DIAPH2: variants seen among roughly 807,000 people sequenced by gnomAD.
The protein encoded by DIAPH2 is protein diaphanous homolog 2.
A neutral mutation model predicts 92.7 loss-of-function variants in DIAPH2; 35 were observed. The ratio of observed to expected loss-of-function variants is 0.38; its 90% CI spans 0.29 to 0.50. The LOEUF (loss-of-function observed/expected upper bound fraction) is 0.50. DIAPH2 is among the 20% of genes least tolerant of loss of function. The pLI, the probability that DIAPH2 is intolerant of heterozygous loss-of-function variation, is 0.94. For missense variants in DIAPH2, 701 were observed against 819.5 expected, an observed-to-expected ratio of 0.86 and a Z score of 1.77; for synonymous variants, 301 against 280.4, an observed-to-expected ratio of 1.07 and a Z score of -0.73.
At chrX:97,215,927 GCAGT>G (rs1488380798) in intron 22 of DIAPH2, among the ~76,000 whole-genome samples, 4 of 111,827 alleles carry the variant, frequency 3.6e-5, no homozygotes. Context: ...AATATGTTCA[GCAGT>G]CAAATATTGA....
intron 24 of DIAPH2, among the ~76,000 whole-genome samples, chrX:97,371,944 C>T (rs777477725): frequency 1.8e-5 from 2 of 112,463 alleles, no homozygotes; most frequent in African/African-American, 3.2e-5. Context: ...TAAAGCACTT[C>T]GTAGATTTTA....
chrX:97,156,782 CT>C (rs1273076371), intron 22 of DIAPH2, among the ~76,000 whole-genome samples: 7 of 110,478 alleles, frequency 6.3e-5, no homozygotes, highest in African/African-American at 1.3e-4. Flanking sequence ...TTACCTATAT[CT>C]TTTTTTTTAA....
At chrX:96,952,892 G>A (rs1414118394) in intron 15 of DIAPH2, among the ~76,000 whole-genome samples, 1 of 110,141 alleles carries the variant, frequency 9.1e-6, no homozygotes, top group African/African-American at 3.3e-5. Context: ...GGAGACCAAG[G>A]TGGGAGGATT....
At chrX:97,419,616 A>C (rs1320334395) in intron 25 of DIAPH2, among the ~76,000 whole-genome samples, 1 of 111,891 alleles carries the variant, frequency 8.9e-6, no homozygotes, top group Non-Finnish European at 1.9e-5. Flanking sequence ...CTGTCACTTC[A>C]CAACTATGTG....
At chrX:96,941,894 T>A (rs746863468) in intron 12 of DIAPH2, 124 bp from the exon 13 acceptor site, 1 of 462,034 alleles carries the variant, frequency 2.2e-6, no homozygotes, top group Non-Finnish European at 3.8e-6. Context: ...GTGTAGTGGC[T>A]GCAGGATTTT....
At chrX:96,800,547 A>T (rs1602517940) in intron 4 of DIAPH2, among the ~76,000 whole-genome samples, 1 of 111,980 alleles carries the variant, frequency 8.9e-6, no homozygotes, top group East Asian at 2.8e-4. Flanking sequence ...TTCTGACACA[A>T]GGGAGAGGAT....
At chrX:96,741,345 C>T (rs2064118207) in intron 3 of DIAPH2, among the ~76,000 whole-genome samples, 1 of 109,190 alleles carries the variant, frequency 9.2e-6, no homozygotes, top group Non-Finnish European at 1.9e-5. Flanking sequence ...TTTTAATCCT[C>T]TCACTTTCTC....
At chrX:97,072,875 C>T in intron 17 of DIAPH2, 66 bp from the exon 18 acceptor site, 1 of 671,659 alleles carries the variant, frequency 1.5e-6, no homozygotes, top group Non-Finnish European at 2.2e-6. Context: ...ATATGCCTTA[C>T]TAATGTTATT....
chrX:97,183,813 T>C (rs972763254), intron 22 of DIAPH2, among the ~76,000 whole-genome samples: 4 of 112,063 alleles, frequency 3.6e-5, no homozygotes, highest in African/African-American at 1.3e-4. Flanking sequence ...GATAAATATG[T>C]GCAGCATGAA....
intron 4 of DIAPH2, among the ~76,000 whole-genome samples, chrX:96,786,783 A>C (rs2064459681): frequency 8.9e-6 from 1 of 112,028 alleles, no homozygotes; most frequent in Admixed American, 9.4e-5. Flanking sequence ...GAAGAATTCA[A>C]AAGGTAAGGG....
chrX:97,331,770 T>A (rs897682223), intron 23 of DIAPH2, among the ~76,000 whole-genome samples: 3 of 111,762 alleles, frequency 2.7e-5, no homozygotes, highest in African/African-American at 9.7e-5. Context: ...TAGGTTTACA[T>A]GACCATATGA....
chrX:97,013,418 G>T (rs1191141111), intron 17 of DIAPH2, among the ~76,000 whole-genome samples: 2 of 111,709 alleles, frequency 1.8e-5, no homozygotes, highest in Admixed American at 9.5e-5. Context: ...AGAAAAAGTG[G>T]GGGAGGGAGA....
intron 10 of DIAPH2, among the ~76,000 whole-genome samples, chrX:96,935,702 A>G (rs143693358): frequency 5.5e-4 from 62 of 112,021 alleles, no homozygotes; most frequent in African/African-American, 1.7e-3. Flanking sequence ...GGGCCTAATT[A>G]AGAACTAAAT....
At chrX:97,404,668 GA>G (rs2069791195) in intron 25 of DIAPH2, among the ~76,000 whole-genome samples, 1 of 111,763 alleles carries the variant, frequency 8.9e-6, no homozygotes, top group South Asian at 3.8e-4. Context: ...AATGTTAGGG[GA>G]AAAATTGAAT....
intron 23 of DIAPH2, among the ~76,000 whole-genome samples, chrX:97,296,649 A>G (rs1421897202): frequency 8.9e-6 from 1 of 112,061 alleles, no homozygotes; most frequent in Non-Finnish European, 1.9e-5. Flanking sequence ...GGAACTCTGT[A>G]TTTGAATATG....
chrX:97,284,621 A>C (rs1363524873), intron 23 of DIAPH2, among the ~76,000 whole-genome samples: 2 of 110,102 alleles, frequency 1.8e-5, no homozygotes, highest in Non-Finnish European at 3.8e-5. Flanking sequence ...AAAAAAAAAA[A>C]AAAAACAAAG....
intron 23 of DIAPH2, among the ~76,000 whole-genome samples, chrX:97,286,161 C>T (rs936978998): frequency 2.8e-5 from 3 of 107,482 alleles, no homozygotes; most frequent in African/African-American, 1.0e-4. Flanking sequence ...CCGCCTCAGC[C>T]TCCCAAGTAG....
intron 24 of DIAPH2, among the ~76,000 whole-genome samples, chrX:97,366,746 A>G (rs1181787300): frequency 8.9e-6 from 1 of 111,938 alleles, no homozygotes; most frequent in Middle Eastern, 4.2e-3. Flanking sequence ...CCTTTGAAGA[A>G]AGAATTGAAA....
At chrX:97,264,996 C>A (rs1029073697) in intron 23 of DIAPH2, among the ~76,000 whole-genome samples, 18 of 110,263 alleles carry the variant, frequency 1.6e-4, no homozygotes, top group African/African-American at 4.3e-4. Context: ...AAAACAACAA[C>A]AAAAAAAAGA....
Sources: gnomAD v4.1 joint callset for allele counts (sites outside exome capture counted in the v4.1 genomes callset) on GRCh38, gnomAD v4.1.1 for gene constraint, MANE v1.5 for transcripts, NCBI Gene and HGNC (gene_info 2026-07-23, HGNC 2026-07-21) for gene names.